CEP192: variants seen among roughly 807,000 people sequenced by gnomAD.
CEP192 encodes centrosomal protein of 192 kDa.
CEP192 carries 151 observed loss-of-function variants against 271.8 expected under a neutral mutation model. The ratio of observed to expected loss-of-function variants is 0.56; its 90% CI spans 0.49 to 0.64. The LOEUF (loss-of-function observed/expected upper bound fraction) is 0.64, where lower values mean the gene tolerates loss of function less well. Ranked by LOEUF, CEP192 falls within the 30% of genes least tolerant of loss-of-function variation. The pLI, the probability that CEP192 is intolerant of heterozygous loss-of-function variation, is 0.00. For synonymous variants in CEP192, 995 were observed against 1,076.5 expected, an observed-to-expected ratio of 0.92 and a Z score of 1.48; for missense variants, 2,910 against 3,020.5, an observed-to-expected ratio of 0.96 and a Z score of 0.86.
intron 30 of CEP192, among the ~76,000 whole-genome samples, chr18:13,083,124 T>G (rs995030731): frequency 6.6e-6 from 1 of 152,214 alleles, no homozygotes; most frequent in African/African-American, 2.4e-5. Flanking sequence ...TCGAGGAGTA[T>G]CTTTGTGGTG....
At chr18:13,068,291 T>C (rs2037822193) in intron 23 of CEP192, 54 bp downstream of exon 23, 1 of 1,603,732 alleles carries the variant, frequency 6.2e-7, no homozygotes, top group Admixed American at 1.7e-5. Flanking sequence ...TAAACCTCTT[T>C]TCTTTCATTA....
At position 13,030,583 on chromosome 18, in the gene CEP192, GATGA is replaced by G. The variant is rs1471741798; in HGVS notation, c.1515_1518del (p.Asn505LysfsTer12). The G allele has an allele frequency of 6.2e-7, 1 of 1,610,142 alleles. No homozygotes were observed. Among genetic ancestry groups the G allele is most frequent in the South Asian group, 1.1e-5 (1 of 90,918 alleles). On this transcript the variant is annotated frameshift_variant, in exon 11 of 45. Coordinates refer to ENST00000506447, the MANE Select transcript of CEP192 (RefSeq NM_032142.4). LOFTEE classifies it high-confidence loss of function. Reference sequence around the variant, plus strand: ...ATTTAAATGTGTCTCTAAGTGATGAGATGAATGAAGACTTCAGATCTGGTTGTAA... The same window carrying G: ...ATTTAAATGTGTCTCTAAGTGATGAGATGAAGACTTCAGATCTGGTTGTAA...
At chr18:13,073,765 G>A (rs1477150580) in intron 30 of CEP192, among the ~76,000 whole-genome samples, 6 of 152,208 alleles carry the variant, frequency 3.9e-5, no homozygotes, top group African/African-American at 7.2e-5. Flanking sequence ...CACCAAGCCC[G>A]TGCATGGGGC....
intron 30 of CEP192, among the ~76,000 whole-genome samples, chr18:13,077,664 GTCTGTC>G (rs1405502282): frequency 2.0e-5 from 3 of 152,166 alleles, no homozygotes; most frequent in South Asian, 2.1e-4. Context: ...TTGACAATGT[GTCTGTC>G]CTTGAAAAGT....
At chr18:12,999,330 A>C in intron 1 of CEP192, 91 bp from the exon 2 acceptor site, 1 of 1,025,566 alleles carries the variant, frequency 9.8e-7, no homozygotes, top group Non-Finnish European at 1.3e-6. Flanking sequence ...TTTTTTCCTA[A>C]GATTTATTAG....
chr18:13,042,406 C>CA, intron 15 of CEP192, 72 bp downstream of exon 15: 1 of 1,475,000 alleles, frequency 6.8e-7, no homozygotes, highest in East Asian at 2.3e-5. Flanking sequence ...AAGACGAGAT[C>CA]ACCTGTGAAA....
chr18:13,106,258 T>C (rs1200371365), intron 40 of CEP192, among the ~76,000 whole-genome samples: 2 of 151,790 alleles, frequency 1.3e-5, no homozygotes, highest in East Asian at 3.9e-4. Context: ...ACCATCACCG[T>C]CTCCCACACA....
At position 13,024,848 on chromosome 18, in the gene CEP192, C is replaced by T. The variant is rs150693454; in HGVS notation, c.1051-4815C>T. On this transcript the variant is annotated intron_variant, in intron 9 of 44. Transcript: ENST00000506447. ...GCAGTGGTGCGATCTCAGCTATCTGCGACCTCCACCTCCTGAGTTCAAGCA... is the reference window on the plus strand; with the variant it reads ...GCAGTGGTGCGATCTCAGCTATCTGTGACCTCCACCTCCTGAGTTCAAGCA... Among the ~76,000 whole-genome samples, 57 of 152,208 alleles carry T rather than the reference C, an allele frequency of 3.7e-4. No homozygotes were observed. The East Asian group carries it at 8.7e-3, about 23-fold the overall frequency.
rs532448692 is a variant in CEP192 at position 13,013,558 on chromosome 18, A to G, written c.519+533A>G. Among the ~76,000 whole-genome samples, 16 of 152,250 alleles carry G rather than the reference A, an allele frequency of 1.1e-4. No homozygotes were observed. The East Asian group carries it at 2.7e-3, about 26-fold the overall frequency. On this transcript the variant is annotated intron_variant, in intron 5 of 44. Transcript: ENST00000506447. ...CTCCCCTCTGCAAATCACTGTGCCA[A>G]GGGGTGGGTTGGGATGAGCCTGGAT...
At chr18:13,086,988 A>G in intron 30 of CEP192, 29 bp from the exon 31 acceptor site, 1 of 1,514,922 alleles carries the variant, frequency 6.6e-7, no homozygotes, top group Non-Finnish European at 9.0e-7. Flanking sequence ...TAACATTAAA[A>G]TAATTTTGGA....
chr18:13,070,955 C>T, intron 27 of CEP192, 84 bp from the exon 28 acceptor site: 1 of 1,159,292 alleles, frequency 8.6e-7, no homozygotes, highest in Non-Finnish European at 1.3e-6. Context: ...CCAGTTCAGT[C>T]TTTTGGACAA....
At position 13,059,139 on chromosome 18, in the gene CEP192, C is replaced by T. The variant is rs372656454; in HGVS notation, c.4315C>T (p.His1439Tyr). 5 of 1,613,934 alleles carry T rather than the reference C, an allele frequency of 3.1e-6. No individual in the cohort carries two copies. The highest frequency in any genetic ancestry group is 4.2e-6 in the Non-Finnish European group (5 of 1,179,950). Residue 1439 changes from histidine to tyrosine, a missense_variant, in exon 21 of 45, where the codon CAT (histidine) becomes TAT (tyrosine). Coordinates refer to ENST00000506447, the MANE Select transcript of CEP192 (RefSeq NM_032142.4). ...CAAGAATAAAGCCATCATAAGACCTCATGCCACAGAAGAGATAAAAGTGCT... is the reference window on the plus strand; with the variant it reads ...CAAGAATAAAGCCATCATAAGACCTTATGCCACAGAAGAGATAAAAGTGCT... Reference protein sequence around the residue: ...VFKNKAIIRPHATEEIKVLFI... With the variant: ...VFKNKAIIRPYATEEIKVLFI...
intron 3 of CEP192, among the ~76,000 whole-genome samples, chr18:13,005,295 G>C (rs143825931): frequency 2.0e-5 from 3 of 152,254 alleles, no homozygotes; most frequent in Non-Finnish European, 4.4e-5. Flanking sequence ...TGTCAACCCA[G>C]CTCTGTAAAT....
At chr18:13,066,969 G>A (rs986524222) in intron 21 of CEP192, among the ~76,000 whole-genome samples, 1 of 146,474 alleles carries the variant, frequency 6.8e-6, no homozygotes, top group East Asian at 2.0e-4. Flanking sequence ...ACGTCTGTGT[G>A]TGTGTGTGTG....
At chr18:13,091,505 A>G (rs2039145459) in intron 33 of CEP192, among the ~76,000 whole-genome samples, 1 of 152,174 alleles carries the variant, frequency 6.6e-6, no homozygotes, top group African/African-American at 2.4e-5. Context: ...TATGTGATGA[A>G]TTTCAGTAAC....
At chr18:13,099,040 C>T (rs578191872) in intron 36 of CEP192, among the ~76,000 whole-genome samples, 1 of 152,034 alleles carries the variant, frequency 6.6e-6, no homozygotes, top group African/African-American at 2.4e-5. Context: ...ACCAGTCAGG[C>T]GTGGCAGCGC....
chr18:13,069,059 T>C, intron 25 of CEP192, 30 bp from the exon 26 acceptor site: 1 of 1,613,654 alleles, frequency 6.2e-7, no homozygotes, highest in South Asian at 1.1e-5. Flanking sequence ...TGACAGTTCG[T>C]TGAAATGTCT....
chr18:13,113,532 A>G (rs2040299891), intron 40 of CEP192, 54 bp from the exon 41 acceptor site: 1 of 1,556,106 alleles, frequency 6.4e-7, no homozygotes. Context: ...TGATCTAGCT[A>G]ACACTGTGTT....
chr18:13,047,751 T>G (rs2036561009), intron 15 of CEP192, among the ~76,000 whole-genome samples: 1 of 152,220 alleles, frequency 6.6e-6, no homozygotes, highest in African/African-American at 2.4e-5. Context: ...TGGGCCTATT[T>G]CAGTTTTTTA....
Sources: gnomAD v4.1 joint callset for allele counts (sites outside exome capture counted in the v4.1 genomes callset) on GRCh38, gnomAD v4.1.1 for gene constraint, MANE v1.5 for transcripts, NCBI Gene and HGNC (gene_info 2026-07-23, HGNC 2026-07-21) for gene names.